DHRS7B: variants seen among roughly 807,000 people sequenced by gnomAD.
The protein encoded by DHRS7B is dehydrogenase/reductase 7B, also known as peroxisomal reductase activating PPAR-gamma.
A neutral mutation model predicts 26.4 loss-of-function variants in DHRS7B; 24 were observed. That is an observed-to-expected ratio of 0.91 (90% CI 0.66 to 1.28). The LOEUF (loss-of-function observed/expected upper bound fraction) is 1.28, where lower values mean the gene tolerates loss of function less well. DHRS7B is among the 50% of genes most tolerant of loss of function. The probability of loss-of-function intolerance (pLI) is 0.00; values close to 1 mark genes in which losing one functional copy is unlikely to be tolerated. For missense variants in DHRS7B, 368 were observed against 419.4 expected, an observed-to-expected ratio of 0.88 and a Z score of 1.07; for synonymous variants, 142 against 166.4, an observed-to-expected ratio of 0.85 and a Z score of 1.13.
intron 5 of DHRS7B, among the ~76,000 whole-genome samples, chr17:21,187,503 G>A (rs1425872533): frequency 4.6e-5 from 7 of 151,828 alleles, no homozygotes; most frequent in Non-Finnish European, 8.8e-5. Flanking sequence ...GCGGGTGCCT[G>A]TAGTCCCAGC....
intron 1 of DHRS7B, among the ~76,000 whole-genome samples, chr17:21,167,012 T>TA (rs35376768): frequency 0.013 from 1,938 of 148,866 alleles, 44 homozygotes; most frequent in African/African-American, 0.044. Flanking sequence ...AACAGTTCTT[T>TA]AAAAAAAAAA....
intron 1 of DHRS7B, among the ~76,000 whole-genome samples, chr17:21,155,927 A>G (rs1973868962): frequency 6.6e-6 from 1 of 152,244 alleles, no homozygotes; most frequent in Non-Finnish European, 1.5e-5. Flanking sequence ...AAAGAAAATG[A>G]AAACCTTACC....
At chr17:21,141,132 G>A (rs534634710) in intron 1 of DHRS7B, among the ~76,000 whole-genome samples, 2 of 152,170 alleles carry the variant, frequency 1.3e-5, no homozygotes, top group East Asian at 3.9e-4. Flanking sequence ...ATTAATTTCT[G>A]TTGGGGATTT....
rs768994116 is a variant in DHRS7B at position 21,183,726 on chromosome 17, C to T, written c.442C>T (p.Arg148Cys). 7 of 1,614,154 alleles carry T rather than the reference C, an allele frequency of 4.3e-6. No homozygotes were observed. The highest frequency in any genetic ancestry group is 4.5e-5 in the East Asian group (2 of 44,884). The change falls in exon 4 of 7, where the codon CGT becomes TGT. Residue 148 changes from arginine to cysteine, a missense_variant. Arg to Cys is a radical substitution (Grantham distance 180). Transcript: ENST00000395511. Reference protein sequence around the residue: ...ILVNNAGISYRGTIMDTTVDV... With the variant: ...ILVNNAGISYCGTIMDTTVDV... ...TGTCAACAATGCTGGGATCAGCTAC[C>T]GTGGTACCATCATGGACACCACAGT...
chr17:21,139,981 G>C (rs1973453969), intron 1 of DHRS7B, among the ~76,000 whole-genome samples: 1 of 146,764 alleles, frequency 6.8e-6, no homozygotes, highest in Admixed American at 6.8e-5. Flanking sequence ...ACATTTTGTA[G>C]ATTCATAGAA....
chr17:21,187,354 G>A (rs1279189217), intron 5 of DHRS7B, among the ~76,000 whole-genome samples: 14 of 151,396 alleles, frequency 9.2e-5, no homozygotes, highest in African/African-American at 2.2e-4. Flanking sequence ...GGCCGGGTGC[G>A]GTGGCTCACG....
intron 1 of DHRS7B, among the ~76,000 whole-genome samples, chr17:21,143,882 C>G (rs562813088): frequency 2.0e-5 from 3 of 152,336 alleles, no homozygotes; most frequent in South Asian, 2.1e-4. Flanking sequence ...CTCTTTTTCA[C>G]ATCTGCTTTT....
chr17:21,172,462 G>T, intron 2 of DHRS7B: 1 of 536,798 alleles, frequency 1.9e-6, no homozygotes, highest in South Asian at 2.1e-5. Flanking sequence ...GGGGTGGGAT[G>T]GGATACCTGC....
chr17:21,174,267 C>T (rs1016144031), intron 2 of DHRS7B, among the ~76,000 whole-genome samples: 2 of 152,338 alleles, frequency 1.3e-5, no homozygotes, highest in East Asian at 1.9e-4. Context: ...TTCAGTTTTC[C>T]GTGTTTCTCC....
intron 1 of DHRS7B, among the ~76,000 whole-genome samples, chr17:21,150,429 C>T (rs932266220): frequency 6.6e-5 from 10 of 152,190 alleles, no homozygotes; most frequent in Admixed American, 2.0e-4. Context: ...CCAGCCTGGC[C>T]AACTTGGTGA....
intron 1 of DHRS7B, among the ~76,000 whole-genome samples, chr17:21,138,280 G>C (rs1973412380): frequency 7.8e-6 from 1 of 128,726 alleles, no homozygotes; most frequent in Non-Finnish European, 1.6e-5. Context: ...GCAGTGGCGC[G>C]ATCTTGGCTC....
At chr17:21,181,275 A>G (rs926944595) in intron 3 of DHRS7B, among the ~76,000 whole-genome samples, 3 of 152,136 alleles carry the variant, frequency 2.0e-5, no homozygotes, top group Non-Finnish European at 4.4e-5. Flanking sequence ...TTGTAGGGAC[A>G]GGGTCCTGCT....
At chr17:21,168,917 C>G (rs909011945) in intron 1 of DHRS7B, 2 of 985,344 alleles carry the variant, frequency 2.0e-6, no homozygotes, top group Non-Finnish European at 2.4e-6. Flanking sequence ...CTCTTTTCTT[C>G]ATGTCATGGA....
At chr17:21,153,638 G>GAT (rs1487486743) in intron 1 of DHRS7B, among the ~76,000 whole-genome samples, 1 of 152,136 alleles carries the variant, frequency 6.6e-6, no homozygotes, top group Non-Finnish European at 1.5e-5. Context: ...GGAAGTAGAA[G>GAT]ATCAAAGCAC....
Position 21,172,054 on chromosome 17 carries a change from C to T in DHRS7B, c.57C>T (p.Ile19=). 6.2e-7 allele frequency: 1 copy of T among 1,614,222 alleles called. No individual in the cohort carries two copies. The highest frequency in any genetic ancestry group is 1.1e-5 in the South Asian group (1 of 91,084). ...SLPKVKAMDF[I]TSTAILPLLF... ...CGAAGGTGAAGGCCATGGACTTCATCACCTCCACAGCCATCCTGCCCCTGC... is the reference window on the plus strand; with the variant it reads ...CGAAGGTGAAGGCCATGGACTTCATTACCTCCACAGCCATCCTGCCCCTGC... The change falls in exon 2 of 7, where the codon ATC becomes ATT. Residue 19 remains isoleucine (I), a synonymous_variant. Transcript: ENST00000395511.
chr17:21,150,144 A>G (rs1182340530), intron 1 of DHRS7B, among the ~76,000 whole-genome samples: 2 of 148,316 alleles, frequency 1.3e-5, no homozygotes, highest in Non-Finnish European at 1.5e-5. Flanking sequence ...TAAGGCATAG[A>G]GTATCTGAAT....
chr17:21,129,353 G>A (rs1431459418), intron 1 of DHRS7B, among the ~76,000 whole-genome samples: 7 of 152,044 alleles, frequency 4.6e-5, no homozygotes, highest in Non-Finnish European at 8.8e-5. Context: ...GCTAACAGGA[G>A]GAGGGAAGGG....
intron 1 of DHRS7B, among the ~76,000 whole-genome samples, chr17:21,144,808 ACT>A (rs1174855868): frequency 6.6e-6 from 1 of 151,984 alleles, no homozygotes. Flanking sequence ...ACAGAGTGAG[ACT>A]CTATCTCAAA....
At chr17:21,190,002 C>T (rs1212487217) in intron 6 of DHRS7B, among the ~76,000 whole-genome samples, 1 of 152,058 alleles carries the variant, frequency 6.6e-6, no homozygotes, top group Non-Finnish European at 1.5e-5. Flanking sequence ...ACCTAACCTC[C>T]ACAAAAAATA....
Sources: allele counts gnomAD v4.1 joint callset (sites outside exome capture counted in the v4.1 genomes callset), GRCh38; gene constraint gnomAD v4.1.1; transcripts MANE v1.5; gene names NCBI Gene and HGNC (gene_info 2026-07-23, HGNC 2026-07-21).